Variants in TENM3 observed in about 807,000 individuals in gnomAD.
TENM3 encodes teneurin-3.
TENM3 carries 63 observed loss-of-function variants against 255.1 expected under a neutral mutation model. That is an observed-to-expected ratio of 0.25 (90% CI 0.20 to 0.30). TENM3 has a LOEUF of 0.30. Ranked by LOEUF, TENM3 falls within the 10% of genes least tolerant of loss-of-function variation. TENM3 has a pLI of 1.00. For missense variants in TENM3, 2,929 were observed against 3,461.1 expected (o/e 0.85, Z 3.86); for synonymous variants, 1,306 against 1,322.3 (o/e 0.99, Z 0.27).
the TENM3 span, among the ~76,000 whole-genome samples, chr4:181,466,681 C>T: frequency 6.6e-6 from 1 of 152,114 alleles, no homozygotes; most frequent in African/African-American, 2.4e-5. Context: ...ATCTAGTTTA[C>T]ACATTTCATA....
chr4:182,346,105 A>ATAC (rs554782956), intron 2 of TENM3, among the ~76,000 whole-genome samples: 263 of 152,130 alleles, frequency 1.7e-3, no homozygotes, highest in Admixed American at 3.7e-3. Flanking sequence ...ACATACATAC[A>ATAC]TACAAAATAC....
intron 6 of TENM3, among the ~76,000 whole-genome samples, chr4:182,670,864 C>A (rs1490475919): frequency 2.0e-5 from 3 of 152,132 alleles, no homozygotes; most frequent in African/African-American, 7.2e-5. Flanking sequence ...CATCGAAATG[C>A]AATTTACCCA....
chr4:181,893,877 A>T, the TENM3 span, among the ~76,000 whole-genome samples: 2 of 152,188 alleles, frequency 1.3e-5, no homozygotes, highest in Non-Finnish European at 2.9e-5. Flanking sequence ...CTATCCATTT[A>T]AAATATGTAT....
chr4:182,510,304 G>T (rs778823325), intron 3 of TENM3, among the ~76,000 whole-genome samples: 17 of 152,038 alleles, frequency 1.1e-4, no homozygotes, highest in Non-Finnish European at 2.1e-4. Context: ...TTTCTTCTGC[G>T]CAAGCCTTTT....
At chr4:181,821,665 T>G in the TENM3 span, 44 of 152,180 alleles carry the variant, frequency 2.9e-4, no homozygotes, top group African/African-American at 9.4e-4. Flanking sequence ...TAAAAATAAT[T>G]TATAGAAAAC....
chr4:182,165,947 T>A (rs941019470), intron 1 of TENM3, among the ~76,000 whole-genome samples: 2 of 152,008 alleles, frequency 1.3e-5, no homozygotes, highest in African/African-American at 4.8e-5. Context: ...CCAGTCTAAT[T>A]TTTTGTCTTT....
the TENM3 span, among the ~76,000 whole-genome samples, chr4:181,536,107 A>T: frequency 6.6e-6 from 1 of 152,198 alleles, no homozygotes; most frequent in Non-Finnish European, 1.5e-5. Flanking sequence ...TTTGCTACTG[A>T]ATCCCATATG....
At chr4:182,731,475 A>G (rs1318128437) in intron 16 of TENM3, among the ~76,000 whole-genome samples, 3 of 152,054 alleles carry the variant, frequency 2.0e-5, no homozygotes, top group African/African-American at 2.4e-5. Context: ...ACACTACTGC[A>G]CTCCAGCCTG....
At chr4:182,018,264 C>A in the TENM3 span, among the ~76,000 whole-genome samples, 1 of 152,194 alleles carries the variant, frequency 6.6e-6, no homozygotes, top group Admixed American at 6.5e-5. Flanking sequence ...CGCCTTCTGT[C>A]CTCTATAGCC....
chr4:182,597,928 C>A (rs1747424779), intron 3 of TENM3, among the ~76,000 whole-genome samples: 2 of 152,130 alleles, frequency 1.3e-5, no homozygotes, highest in Admixed American at 1.3e-4. Flanking sequence ...GCCTGTAATC[C>A]CAGCACCTTC....
intron 1 of TENM3, among the ~76,000 whole-genome samples, chr4:182,175,834 G>T (rs1454764147): frequency 1.3e-5 from 2 of 152,194 alleles, no homozygotes; most frequent in African/African-American, 2.4e-5. Flanking sequence ...GTGCACGTGG[G>T]TGCATGCGGA....
chr4:181,538,480 T>A, the TENM3 span, among the ~76,000 whole-genome samples: 1 of 150,654 alleles, frequency 6.6e-6, no homozygotes, highest in East Asian at 2.0e-4. Flanking sequence ...GCGTGGTGGT[T>A]AATGGAAAGA....
chr4:181,651,588 CAA>C, the TENM3 span, among the ~76,000 whole-genome samples: 6 of 109,734 alleles, frequency 5.5e-5, no homozygotes, highest in Non-Finnish European at 9.7e-5. Flanking sequence ...GACTTGGTCT[CAA>C]AAAAAAAAAA....
In TENM3 at chr4:182,777,547, C is replaced by CTTTTTTTT. The variant is rs1157448732; in HGVS notation, c.5304+2415_5304+2422dup. 3.0e-3 allele frequency among the ~76,000 whole-genome samples: 137 copies of CTTTTTTTT among 45,476 alleles called. 16 individuals are homozygous for CTTTTTTTT. Among genetic ancestry groups the CTTTTTTTT allele is most frequent in the East Asian group, 7.3e-3 (8 of 1,094 alleles). 29.8% of individuals were successfully genotyped at this position (45,476 alleles called of 152,430 possible). A position where few individuals can be genotyped will look rare whatever the true frequency, so the allele number is the denominator to read the frequency against. ...TGTGTGTGTGTGTGTGTGTGTATTT[C>CTTTTTTTT]TTTTTTTTTTTTTTTTTTTTTTTTT... On this transcript the variant is annotated intron_variant, in intron 24 of 27. Transcript: ENST00000511685.
chr4:182,017,196 T>A, the TENM3 span, among the ~76,000 whole-genome samples: 2 of 152,362 alleles, frequency 1.3e-5, no homozygotes, highest in South Asian at 2.1e-4. Flanking sequence ...TCTGTTCCCA[T>A]CCACACCCTG....
chr4:182,121,483 T>C, the TENM3 span, among the ~76,000 whole-genome samples: 1 of 152,162 alleles, frequency 6.6e-6, no homozygotes, highest in African/African-American at 2.4e-5. Flanking sequence ...ATGCTTTTAA[T>C]GTAGAGCTAA....
intron 24 of TENM3, among the ~76,000 whole-genome samples, chr4:182,784,452 T>G (rs1443885599): frequency 6.6e-6 from 1 of 151,316 alleles, no homozygotes. Context: ...CACTGCTCTC[T>G]TCAAAGCTGT....
intron 1 of TENM3, among the ~76,000 whole-genome samples, chr4:182,259,779 T>TC (rs1758663903): frequency 1.3e-5 from 2 of 151,592 alleles, no homozygotes; most frequent in Non-Finnish European, 2.9e-5. Flanking sequence ...TTGAAATTCT[T>TC]TTGTAGTTAT....
chr4:181,914,537 C>T, the TENM3 span, among the ~76,000 whole-genome samples: 1 of 152,148 alleles, frequency 6.6e-6, no homozygotes, highest in Non-Finnish European at 1.5e-5. Flanking sequence ...ATTCTTATAG[C>T]CCCGGTACCC....
Sources: allele counts gnomAD v4.1 joint callset (sites outside exome capture counted in the v4.1 genomes callset), GRCh38; gene constraint gnomAD v4.1.1; transcripts MANE v1.5; gene names NCBI Gene and HGNC (gene_info 2026-07-23, HGNC 2026-07-21).